The following FRK variants were observed in gnomAD, a reference collection of about 807,000 sequenced individuals.
The protein encoded by FRK is fyn related Src family tyrosine kinase.
A neutral mutation model predicts 56.4 loss-of-function variants in FRK; 51 were observed. The ratio of observed to expected loss-of-function variants is 0.90; its 90% confidence interval spans 0.72 to 1.14. The LOEUF (loss-of-function observed/expected upper bound fraction) is 1.14. FRK is among the 50% of genes most tolerant of loss of function. FRK has a pLI of 0.00. For missense variants in FRK, 570 were observed against 601.4 expected (o/e 0.95, Z 0.55); for synonymous variants, 245 against 217.9 (o/e 1.12, Z -1.10).
At chr6:116,066,439 G>A in the FRK span, among the ~76,000 whole-genome samples, 1 of 151,998 alleles carries the variant, frequency 6.6e-6, no homozygotes, top group African/African-American at 2.4e-5. Context: ...ATATATGTGT[G>A]TGTGTGTGTG....
chr6:115,969,091 T>C (rs1046868815), intron 2 of FRK, among the ~76,000 whole-genome samples: 1 of 152,192 alleles, frequency 6.6e-6, no homozygotes, highest in African/African-American at 2.4e-5. Context: ...GGAATCACAG[T>C]ATCCATAAGA....
intron 1 of FRK, among the ~76,000 whole-genome samples, chr6:116,031,509 A>G (rs912778358): frequency 6.6e-6 from 1 of 152,174 alleles, no homozygotes; most frequent in African/African-American, 2.4e-5. Context: ...TAAAGTGGAT[A>G]TTGAACAATT....
Position 116,003,865 on chromosome 6 carries a change from C to G in FRK, c.466+12G>C. On this transcript the variant is annotated intron_variant, in intron 2 of 7. Coordinates refer to ENST00000606080, the MANE Select transcript of FRK (RefSeq NM_002031.3). ...CAAGCTCATATTGAATGACACAAAA[C>G]AATACCCTTACCTGAAAGAGAGAAT... 6.2e-7 allele frequency: 1 copy of G among 1,613,178 alleles called. No individual in the cohort carries two copies. Among genetic ancestry groups the G allele is most frequent in the South Asian group, 1.1e-5 (1 of 91,056 alleles).
rs1776465114 is a variant in FRK, at chr6:116,035,915, T to C, written c.344+24053A>G. On this transcript the variant is annotated intron_variant, in intron 1 of 7. Coordinates refer to ENST00000606080, the MANE Select transcript of FRK (RefSeq NM_002031.3). ...CCTTTTATAATAGAAATTTAAGTAT[T>C]ACCTTCTCCCTATTCTTATCCTTCT... Among the ~76,000 whole-genome samples, 3 of 152,238 alleles carry C rather than the reference T, an allele frequency of 2.0e-5. No homozygotes were observed. In the South Asian group the frequency reaches 6.2e-4, roughly 32 times the overall value.
chr6:116,008,094 T>G (rs1346647947), intron 1 of FRK, among the ~76,000 whole-genome samples: 1 of 152,172 alleles, frequency 6.6e-6, no homozygotes, highest in Non-Finnish European at 1.5e-5. Context: ...AACTAAATAC[T>G]CCATTACATA....
At chr6:116,072,564 CAA>C in the FRK span, among the ~76,000 whole-genome samples, 1 of 149,596 alleles carries the variant, frequency 6.7e-6, no homozygotes, top group East Asian at 1.9e-4. Context: ...CACACACACA[CAA>C]GATACCTTTC....
the FRK span, among the ~76,000 whole-genome samples, chr6:116,084,937 G>A: frequency 6.6e-6 from 1 of 152,146 alleles, no homozygotes; most frequent in African/African-American, 2.4e-5. Context: ...AAAAGGAAGT[G>A]GGGTTCATTA....
intron 4 of FRK, 134 bp from the exon 5 acceptor site, chr6:115,956,744 G>A: frequency 1.6e-6 from 1 of 644,864 alleles, no homozygotes; most frequent in Non-Finnish European, 2.5e-6. Context: ...AATCTTCAGA[G>A]TTATCAAAAA....
At chr6:116,028,344 G>C (rs1362376846) in intron 1 of FRK, among the ~76,000 whole-genome samples, 2 of 151,990 alleles carry the variant, frequency 1.3e-5, no homozygotes, top group Non-Finnish European at 2.9e-5. Context: ...TTTAAAAACT[G>C]GATGTTTTTT....
intron 1 of FRK, among the ~76,000 whole-genome samples, chr6:116,011,551 G>C (rs556650151): frequency 1.2e-4 from 19 of 152,188 alleles, no homozygotes; most frequent in African/African-American, 4.1e-4. Flanking sequence ...CATAGGGAAA[G>C]TAAGCTAGGA....
rs756206248 is a variant in FRK, at chr6:116,060,047, G to A, written c.265C>T (p.Arg89Ter). 36 of 1,613,998 alleles carry A rather than the reference G, an allele frequency of 2.2e-5. No individual in the cohort carries two copies. Among genetic ancestry groups the A allele is most frequent in the Non-Finnish European group, 2.9e-5 (34 of 1,180,040 alleles). ...WWFARHLEKR[R>*]DGSSQQLQGY... The stretch of plus-strand genomic sequence containing the variant: ...TGTAGTTGCTGACTGGAGCCATCTC[G>A]TCTTTTCTCCAAGTGTCTGGCAAAC... Residue 89 changes from arginine to a stop codon, truncating the protein, a stop_gained, in exon 1 of 8, where the codon CGA becomes TGA. Coordinates refer to ENST00000606080, the MANE Select transcript of FRK (RefSeq NM_002031.3). LOFTEE classifies it high-confidence loss of function.
At chr6:115,966,618 AT>A (rs1157805130) in intron 4 of FRK, among the ~76,000 whole-genome samples, 2 of 152,288 alleles carry the variant, frequency 1.3e-5, no homozygotes, top group East Asian at 3.9e-4. Context: ...TAGGTAAATA[AT>A]GCAGGTCTCC....
intron 1 of FRK, among the ~76,000 whole-genome samples, chr6:116,010,580 A>T (rs773982596): frequency 3.3e-5 from 5 of 152,198 alleles, no homozygotes; most frequent in African/African-American, 1.2e-4. Flanking sequence ...TCAAATCTGA[A>T]TGACTAAAGG....
intron 4 of FRK, among the ~76,000 whole-genome samples, chr6:115,961,374 T>A (rs1476432441): frequency 1.7e-5 from 2 of 120,098 alleles, no homozygotes; most frequent in Non-Finnish European, 3.4e-5. Flanking sequence ...GAGCAAAGCC[T>A]CCAAGAAATA....
At chr6:115,956,013 G>T (rs1772971028) in intron 5 of FRK, among the ~76,000 whole-genome samples, 1 of 152,146 alleles carries the variant, frequency 6.6e-6, no homozygotes, top group Non-Finnish European at 1.5e-5. Context: ...GTACAATGTT[G>T]TCAAATACCA....
intron 2 of FRK, among the ~76,000 whole-genome samples, chr6:115,976,692 C>T (rs1259943076): frequency 6.6e-6 from 1 of 152,054 alleles, no homozygotes; most frequent in African/African-American, 2.4e-5. Flanking sequence ...CTTATTCTGC[C>T]AGTGATTTGT....
At chr6:115,979,000 G>A (rs2114630904) in intron 2 of FRK, among the ~76,000 whole-genome samples, 1 of 150,600 alleles carries the variant, frequency 6.6e-6, no homozygotes, top group South Asian at 2.1e-4. Context: ...GCTGCAGTGA[G>A]CCATGATCAC....
At chr6:115,994,308 C>A (rs1457800807) in intron 2 of FRK, among the ~76,000 whole-genome samples, 1 of 142,284 alleles carries the variant, frequency 7.0e-6, no homozygotes, top group African/African-American at 2.6e-5. Context: ...TATTGGGTAT[C>A]CAGAATCTCA....
the FRK span, among the ~76,000 whole-genome samples, chr6:116,089,625 T>C: frequency 6.6e-6 from 1 of 152,208 alleles, no homozygotes; most frequent in Non-Finnish European, 1.5e-5. Context: ...TTTCTCACTG[T>C]GTCCTCACAC....
Sources: gnomAD v4.1 joint callset for allele counts (sites outside exome capture counted in the v4.1 genomes callset) on GRCh38, gnomAD v4.1.1 for gene constraint, MANE v1.5 for transcripts, NCBI Gene and HGNC (gene_info 2026-07-23, HGNC 2026-07-21) for gene names.